The following TBPL1 variants were observed in gnomAD, a reference collection of about 807,000 sequenced individuals.
TBPL1 encodes the protein TATA-box binding protein like 1, also known as TATA box-binding protein-like 1.
In TBPL1, 4 loss-of-function variants were observed where a neutral mutation model predicts 22.1. The observed-to-expected ratio is 0.18, with a 90% CI of 0.09 to 0.41. The LOEUF is 0.41. Ranked by LOEUF, TBPL1 falls within the 10% of genes least tolerant of loss-of-function variation. The pLI is 1.00. For synonymous variants in TBPL1, 64 were observed against 71.0 expected (o/e 0.90, Z 0.50); for missense variants, 115 against 222.3 (o/e 0.52, Z 3.07).
Position 133,982,813 on chromosome 6 carries a change from G to T in TBPL1, c.219-4G>T. The T allele has an allele frequency of 6.2e-7, 1 of 1,610,066 alleles. No individual in the cohort carries two copies. The highest frequency in any genetic ancestry group is 8.5e-7 in the Non-Finnish European group (1 of 1,178,982). On this transcript the variant is annotated splice_polypyrimidine_tract_variant and splice_region_variant and intron_variant, in intron 3 of 6. Coordinates refer to ENST00000237264, the MANE Select transcript of TBPL1 (RefSeq NM_004865.4). ...ATAATCTTTTTCTTTCCTTAAAACC[G>T]TAGTGAAGAAGAAGCTAAATTTGGT...
intron 1 of TBPL1, among the ~76,000 whole-genome samples, chr6:133,972,118 G>A (rs74393117): frequency 0.079 from 11,994 of 152,180 alleles, 459 homozygotes; most frequent in Non-Finnish European, 0.086. Context: ...GTATCTCAAT[G>A]TATTTGTTAC....
chr6:133,957,916 C>T (rs1461687901), intron 1 of TBPL1, among the ~76,000 whole-genome samples: 1 of 152,224 alleles, frequency 6.6e-6, no homozygotes, highest in African/African-American at 2.4e-5. Flanking sequence ...TGTTGGACCA[C>T]TTGGATGCTT....
chr6:133,970,746 A>G (rs1270881323), intron 1 of TBPL1, among the ~76,000 whole-genome samples: 1 of 152,032 alleles, frequency 6.6e-6, no homozygotes, highest in Non-Finnish European at 1.5e-5. Flanking sequence ...AACCACAGGC[A>G]TGCACCACCA....
At chr6:133,971,871 TC>T (rs1776228527) in intron 1 of TBPL1, among the ~76,000 whole-genome samples, 1 of 152,180 alleles carries the variant, frequency 6.6e-6, no homozygotes, top group Non-Finnish European at 1.5e-5. Flanking sequence ...TTTCTCCTGT[TC>T]TGTGGGTTGG....
In TBPL1 at chr6:133,989,375, G is replaced by A. The variant is rs1210161311; in HGVS notation, c.*2335G>A. On this transcript the variant is annotated 3_prime_UTR_variant, in exon 7 of 7. Coordinates refer to ENST00000237264, the MANE Select transcript of TBPL1 (RefSeq NM_004865.4). ...AAGAAAAATATAAAAGAATGCTCAA[G>A]ATACTGAAGTCAAGGTCACTAGTAA... 1.2e-4 allele frequency: 18 copies of A among 152,050 alleles called. No homozygotes were observed. The highest frequency in any genetic ancestry group is 1.2e-3 in the Admixed American group (18 of 15,262). The allele number at this position is 152,050 out of a possible 1,614,324, so 9.4% of individuals were successfully genotyped here. A position where few individuals can be genotyped will look rare whatever the true frequency, so the allele number is the denominator to read the frequency against.
At chr6:133,957,516 G>A (rs1354681268) in intron 1 of TBPL1, among the ~76,000 whole-genome samples, 1 of 152,166 alleles carries the variant, frequency 6.6e-6, no homozygotes, top group African/African-American at 2.4e-5. Flanking sequence ...TTAATAAAAT[G>A]GTTCCAAAGA....
At chr6:133,978,898 A>C (rs1776360748) in intron 1 of TBPL1, among the ~76,000 whole-genome samples, 1 of 152,224 alleles carries the variant, frequency 6.6e-6, no homozygotes, top group South Asian at 2.1e-4. Flanking sequence ...GGAATTTTAA[A>C]AACAACTATA....
At chr6:133,976,202 GT>G (rs998570889) in intron 1 of TBPL1, among the ~76,000 whole-genome samples, 7 of 151,294 alleles carry the variant, frequency 4.6e-5, no homozygotes, top group Admixed American at 2.6e-4. Flanking sequence ...CTTGCTAACA[GT>G]TTTTTTTTCA....
At chr6:133,958,965 T>C (rs1326817969) in intron 1 of TBPL1, among the ~76,000 whole-genome samples, 1 of 152,162 alleles carries the variant, frequency 6.6e-6, no homozygotes, top group Non-Finnish European at 1.5e-5. Flanking sequence ...AGAGAGGAAA[T>C]GATCATGACT....
At chr6:133,982,483 A>C (rs1193005261) in intron 2 of TBPL1, 85 bp from the exon 3 acceptor site, 10 of 1,176,784 alleles carry the variant, frequency 8.5e-6, no homozygotes, top group Non-Finnish European at 1.2e-5. Context: ...GGAGAGTAGT[A>C]TTTGGACATT....
At chr6:133,954,113 A>T (rs1050738570) in intron 1 of TBPL1, among the ~76,000 whole-genome samples, 3 of 152,110 alleles carry the variant, frequency 2.0e-5, no homozygotes, top group Non-Finnish European at 4.4e-5. Context: ...TTAAAAAGAA[A>T]ATCTCTCCTG....
At chr6:133,982,121 C>G (rs907126948) in intron 2 of TBPL1, among the ~76,000 whole-genome samples, 1 of 152,174 alleles carries the variant, frequency 6.6e-6, no homozygotes, top group Non-Finnish European at 1.5e-5. Context: ...GGGAGGGCCT[C>G]TCTTCAGGAG....
Position 133,989,525 on chromosome 6 carries a change from T to TA in TBPL1, c.*2485_*2486insA, listed in dbSNP as rs1370715416. The TA allele has an allele frequency of 6.6e-6, 1 of 152,108 alleles. No individual in the cohort carries two copies. The highest frequency in any genetic ancestry group is 2.4e-5 in the African/African-American group (1 of 41,414). The allele number at this position is 152,108 out of a possible 1,614,324, so 9.4% of individuals were successfully genotyped here. A position where few individuals can be genotyped will look rare whatever the true frequency, so the allele number is the denominator to read the frequency against. Reference sequence around the variant, plus strand: ...AAGGAAACATGGGGCAGAACACACTTCCCTTCTCTTTCCAAAAACAAAAAA... The same window carrying TA: ...AAGGAAACATGGGGCAGAACACACTTACCCTTCTCTTTCCAAAAACAAAAAA... On this transcript the variant is annotated 3_prime_UTR_variant, in exon 7 of 7. Transcript: ENST00000237264.
At chr6:133,980,297 C>A in intron 2 of TBPL1, 37 bp downstream of exon 2, 2 of 1,557,520 alleles carry the variant, frequency 1.3e-6, no homozygotes, top group East Asian at 2.3e-5. Flanking sequence ...ACTACATAGC[C>A]TAATTTTATA....
Position 133,984,468 on chromosome 6 carries a change from A to G in TBPL1, c.375A>G (p.Arg125=). The G allele has an allele frequency of 1.2e-6, 2 of 1,613,718 alleles. No individual in the cohort carries two copies. Among genetic ancestry groups the G allele is most frequent in the Admixed American group, 3.3e-5 (2 of 59,982 alleles). ...IRLPEFTKNN[R]PHASYEPELH... ...TGCCAGAATTCACAAAGAACAATAG[A>G]CCTCATGCCAGGTAAGTCTTTGAAG... The change falls in exon 5 of 7, where the codon AGA becomes AGG. Residue 125 remains arginine (R), a synonymous_variant. Transcript: ENST00000237264.
chr6:133,961,812 C>T lies in TBPL1; in HGVS notation c.-45+8387C>T, dbSNP rs531471592. ...GAAAGTTGAAAGACCTTCCCTGGAT[C>T]ATTGCTCCTGAAGTTTCTCTTTCAT... On this transcript the variant is annotated intron_variant, in intron 1 of 6. Transcript: ENST00000237264. 2.0e-5 allele frequency among the ~76,000 whole-genome samples: 3 copies of T among 152,282 alleles called. No individual in the cohort carries two copies. The East Asian group carries it at 5.8e-4, about 29-fold the overall frequency.
chr6:133,971,064 T>G (rs1044964285), intron 1 of TBPL1, among the ~76,000 whole-genome samples: 1 of 152,186 alleles, frequency 6.6e-6, no homozygotes, highest in Non-Finnish European at 1.5e-5. Flanking sequence ...TAATTTTAAA[T>G]CAATTGACCA....
intron 1 of TBPL1, among the ~76,000 whole-genome samples, chr6:133,972,786 A>G (rs1206159025): frequency 6.6e-6 from 1 of 152,172 alleles, no homozygotes; most frequent in East Asian, 1.9e-4. Context: ...CTATTGGTGA[A>G]TCCATCTGTC....
intron 1 of TBPL1, among the ~76,000 whole-genome samples, chr6:133,959,342 T>C (rs1031625097): frequency 1.3e-5 from 2 of 152,110 alleles, no homozygotes; most frequent in African/African-American, 4.8e-5. Context: ...CCACCATGCC[T>C]GGCCTGTGTT....
Sources: gnomAD v4.1 joint callset for allele counts (sites outside exome capture counted in the v4.1 genomes callset) on GRCh38, gnomAD v4.1.1 for gene constraint, MANE v1.5 for transcripts, NCBI Gene and HGNC (gene_info 2026-07-23, HGNC 2026-07-21) for gene names.